Variants in CCDC85A observed in about 807,000 individuals in gnomAD.
The protein encoded by CCDC85A is coiled-coil domain-containing protein 85A.
In CCDC85A, 38 loss-of-function variants were observed where a neutral mutation model predicts 50.2. The ratio of observed to expected loss-of-function variants is 0.76; its 90% CI spans 0.58 to 0.99. The LOEUF (loss-of-function observed/expected upper bound fraction) is 0.99. Ranked by LOEUF, CCDC85A falls within the 50% of genes least tolerant of loss-of-function variation. CCDC85A has a pLI of 0.00. For missense variants in CCDC85A, 820 were observed against 742.0 expected, an observed-to-expected ratio of 1.11 and a Z score of -1.22; for synonymous variants, 366 against 301.4, an observed-to-expected ratio of 1.21 and a Z score of -2.22.
chr2:56,192,039 C>CT lies in CCDC85A; in HGVS notation c.277-437dup, dbSNP rs1203740167. On this transcript the variant is annotated intron_variant, in intron 1 of 5. Transcript: ENST00000407595. This position sits in a 1 kb window ranked among gnomAD's most constrained non-coding sequence, Gnocchi z 4.7. ...TAATGAACTGGTTGCTCCCTAACTA[C>CT]TGACCAGATGAACTTGGACAAGTGA... Among the ~76,000 whole-genome samples, 1 of 152,146 alleles carries CT rather than the reference C, an allele frequency of 6.6e-6. No individual in the cohort carries two copies. Among genetic ancestry groups the CT allele is most frequent in the East Asian group, 1.9e-4 (1 of 5,186 alleles).
At chr2:56,335,407 GA>G (rs1249252327) in intron 2 of CCDC85A, among the ~76,000 whole-genome samples, 1 of 152,106 alleles carries the variant, frequency 6.6e-6, no homozygotes, top group African/African-American at 2.4e-5. Flanking sequence ...CTTTTGCTGA[GA>G]GAGACTATCT....
chr2:56,201,079 CACA>C (rs1292248429), intron 2 of CCDC85A, among the ~76,000 whole-genome samples: 23,936 of 137,870 alleles, frequency 0.17, 2,294 homozygotes, highest in Non-Finnish European at 0.2. Flanking sequence ...TCTCTCTCCA[CACA>C]CACACACACA....
chr2:56,253,512 C>G (rs1316939878), intron 2 of CCDC85A, among the ~76,000 whole-genome samples: 1 of 152,098 alleles, frequency 6.6e-6, no homozygotes, highest in Non-Finnish European at 1.5e-5. Context: ...TCATCTCATC[C>G]TAAAAGCAGC....
chr2:56,338,108 G>A (rs1661357394), intron 2 of CCDC85A, among the ~76,000 whole-genome samples: 2 of 152,200 alleles, frequency 1.3e-5, no homozygotes, highest in African/African-American at 4.8e-5. Flanking sequence ...ATATATTTAT[G>A]TACTTTGTAG....
intron 2 of CCDC85A, among the ~76,000 whole-genome samples, chr2:56,278,571 T>A (rs756760080): frequency 9.9e-5 from 15 of 152,040 alleles, no homozygotes; most frequent in Admixed American, 2.6e-4. Context: ...ATTTTTATTT[T>A]TTATTATTAT....
At chr2:56,266,470 G>A (rs1188287667) in intron 2 of CCDC85A, among the ~76,000 whole-genome samples, 1 of 151,720 alleles carries the variant, frequency 6.6e-6, no homozygotes, top group Non-Finnish European at 1.5e-5. Context: ...AGTATCAGAG[G>A]TGATTGATAT....
chr2:56,384,426 A>C lies in CCDC85A; in HGVS notation c.*71A>C. On this transcript the variant is annotated 3_prime_UTR_variant, in exon 6 of 6. Coordinates refer to ENST00000407595, the MANE Select transcript of CCDC85A (RefSeq NM_001080433.2). Reference sequence around the variant, plus strand: ...TAGAAGACAAGAAGAAAAAGGAAAGAGTGGGTTTCCACAAACCTGGACTCA... The same window carrying C: ...TAGAAGACAAGAAGAAAAAGGAAAGCGTGGGTTTCCACAAACCTGGACTCA... 2 of 1,369,244 alleles carry C rather than the reference A, an allele frequency of 1.5e-6. No homozygotes were observed. Among genetic ancestry groups the C allele is most frequent in the African/African-American group, 1.4e-5 (1 of 69,714 alleles). The allele number at this position is 1,369,244 out of a possible 1,614,324, so 84.8% of individuals were successfully genotyped here. A position where few individuals can be genotyped will look rare whatever the true frequency, so the allele number is the denominator to read the frequency against.
intron 2 of CCDC85A, among the ~76,000 whole-genome samples, chr2:56,247,634 A>G (rs1669569212): frequency 6.6e-6 from 1 of 152,222 alleles, no homozygotes; most frequent in Admixed American, 6.5e-5. Context: ...GGCAACTGAT[A>G]AAAGTGGCTC....
At chr2:56,208,359 T>C (rs2869526) in intron 2 of CCDC85A, among the ~76,000 whole-genome samples, 101,519 of 152,074 alleles carry the variant, frequency 0.67, 34,493 homozygotes, top group African/African-American at 0.77. Flanking sequence ...AATCTCCCAC[T>C]ATTACCCCAT....
intron 3 of CCDC85A, among the ~76,000 whole-genome samples, chr2:56,360,529 C>G (rs1283846314): frequency 6.6e-6 from 1 of 152,070 alleles, no homozygotes; most frequent in East Asian, 1.9e-4. Context: ...TGCAAAAATT[C>G]TAGTTTTTAA....
intron 2 of CCDC85A, among the ~76,000 whole-genome samples, chr2:56,223,331 A>G (rs1427643086): frequency 6.6e-6 from 1 of 152,188 alleles, no homozygotes; most frequent in Non-Finnish European, 1.5e-5. Context: ...ACAACTCTTC[A>G]ACTCTGCACA....
chr2:56,285,726 C>T (rs2104121337), intron 2 of CCDC85A, among the ~76,000 whole-genome samples: 1 of 151,176 alleles, frequency 6.6e-6, no homozygotes, highest in South Asian at 2.1e-4. Flanking sequence ...CATTATGAAC[C>T]CTATACTATA....
rs774089831 is a variant in CCDC85A, at chr2:56,192,599, T to A, written c.399T>A (p.Thr133=). 1 of 1,613,892 alleles carries A rather than the reference T, an allele frequency of 6.2e-7. No individual in the cohort carries two copies. Among genetic ancestry groups the A allele is most frequent in the Non-Finnish European group, 8.5e-7 (1 of 1,179,852 alleles). The change falls in exon 2 of 6, where the codon ACT becomes ACA. Residue 133 remains threonine, a synonymous_variant. Coordinates refer to ENST00000407595, the MANE Select transcript of CCDC85A (RefSeq NM_001080433.2). The surrounding 1 kb of genome is among the most constrained non-coding windows in gnomAD (Gnocchi z 4.7). ...SREWQRLGRY[T]AGVMHKEVAL... ...AGTGGCAGAGACTGGGTCGCTACAC[T>A]GCCGGGGTGATGCACAAGGAAGTGG...
intron 2 of CCDC85A, among the ~76,000 whole-genome samples, chr2:56,317,553 C>A (rs1195299541): frequency 6.6e-6 from 1 of 151,982 alleles, no homozygotes; most frequent in African/African-American, 2.4e-5. Flanking sequence ...TCTTTTTCCT[C>A]ATTAAGAGGA....
intron 2 of CCDC85A, among the ~76,000 whole-genome samples, chr2:56,210,853 C>A (rs1270417979): frequency 1.3e-5 from 2 of 151,974 alleles, no homozygotes; most frequent in Non-Finnish European, 2.9e-5. Flanking sequence ...GTGCTACTGT[C>A]TTGTACTGTA....
At chr2:56,312,780 T>C (rs913499709) in intron 2 of CCDC85A, among the ~76,000 whole-genome samples, 2 of 152,196 alleles carry the variant, frequency 1.3e-5, no homozygotes, top group Non-Finnish European at 2.9e-5. Context: ...CATTCGTTTA[T>C]TTGGTAGTTA....
At chr2:56,335,931 C>T (rs1038012005) in intron 2 of CCDC85A, among the ~76,000 whole-genome samples, 2 of 152,082 alleles carry the variant, frequency 1.3e-5, no homozygotes, top group African/African-American at 4.8e-5. Context: ...GCACCAATCC[C>T]ACCCATGAGG....
chr2:56,269,583 A>G (rs754780107), intron 2 of CCDC85A, among the ~76,000 whole-genome samples: 1 of 152,106 alleles, frequency 6.6e-6, no homozygotes, highest in Non-Finnish European at 1.5e-5. Context: ...GGATTCATCA[A>G]ATTCTCCAGA....
intron 2 of CCDC85A, among the ~76,000 whole-genome samples, chr2:56,334,907 C>G (rs1337576433): frequency 6.6e-6 from 1 of 152,064 alleles, no homozygotes; most frequent in African/African-American, 2.4e-5. Context: ...TAACTGTCAT[C>G]TCTTTTGGGT....
Sources: allele counts gnomAD v4.1 joint callset (sites outside exome capture counted in the v4.1 genomes callset), GRCh38; gene constraint gnomAD v4.1.1; non-coding constraint Gnocchi (gnomAD v3.1); transcripts MANE v1.5; gene names NCBI Gene and HGNC (gene_info 2026-07-23, HGNC 2026-07-21).